Variants in MFHAS1 observed in about 807,000 individuals in gnomAD.
The protein encoded by MFHAS1 is multifunctional ROCO family signaling regulator 1, also known as malignant fibrous histiocytoma-amplified sequence 1.
Under a neutral mutation model 70.4 loss-of-function variants are expected in MFHAS1, and 50 were observed. The ratio of observed to expected loss-of-function variants is 0.71; its 90% CI spans 0.57 to 0.90. The LOEUF is 0.90. Ranked by LOEUF, MFHAS1 falls within the 40% of genes least tolerant of loss-of-function variation. MFHAS1 has a pLI of 0.00. For synonymous variants in MFHAS1, 952 were observed against 620.0 expected, an observed-to-expected ratio of 1.54 and a Z score of -7.96; for missense variants, 1,795 against 1,347.6, an observed-to-expected ratio of 1.33 and a Z score of -5.20.
rs777057964 is a variant in MFHAS1, at chr8:8,891,405, G to T, written c.1654C>A (p.Leu552Met). 1 of 1,612,612 alleles carries T rather than the reference G, an allele frequency of 6.2e-7. No individual in the cohort carries two copies. Among genetic ancestry groups the T allele is most frequent in the East Asian group, 2.2e-5 (1 of 44,880 alleles). Residue 552 changes from leucine to methionine, a missense_variant, in exon 1 of 3, where the codon CTG (leucine) becomes ATG (methionine). Transcript: ENST00000276282. This position sits in a 1 kb window ranked among gnomAD's most constrained non-coding sequence, Gnocchi z 5.4. ...CGERELEEKCLDIHRQIALQE... is the reference protein window; with the variant it reads ...CGERELEEKCMDIHRQIALQE... ...AGGGCGATCTGGCGGTGAATGTCCA[G>T]ACATTTCTCCTCCAGCTCACGCTCT... is the stretch of plus-strand genomic sequence containing the variant.
intron 1 of MFHAS1, among the ~76,000 whole-genome samples, chr8:8,852,405 C>T (rs1808280405): frequency 6.6e-6 from 1 of 151,872 alleles, no homozygotes; most frequent in African/African-American, 2.4e-5. Context: ...ACCTGGGAGG[C>T]GGAGGCTGCA....
At position 8,892,508 on chromosome 8, in the gene MFHAS1, C is replaced by G; in HGVS notation, c.551G>C (p.Arg184Pro). The G allele has an allele frequency of 1.2e-6, 2 of 1,602,582 alleles. No homozygotes were observed. Among genetic ancestry groups the G allele is most frequent in the Non-Finnish European group, 1.7e-6 (2 of 1,174,630 alleles). ...PDSLSCLSRL[R>P]TLDVDHNQLT... ...CTGGTTGTGATCCACGTCCAGGGTG[C>G]GCAGGCGGGAGAGGCAGGAGAGGGA... The change falls in exon 1 of 3, where the codon CGC (arginine) becomes CCC (proline). Residue 184 changes from arginine to proline, a missense_variant. Coordinates refer to ENST00000276282, the MANE Select transcript of MFHAS1 (RefSeq NM_004225.3). The surrounding 1 kb of genome is among the most constrained non-coding windows in gnomAD (Gnocchi z 4.7).
intron 1 of MFHAS1, among the ~76,000 whole-genome samples, chr8:8,809,599 A>C (rs1193958659): frequency 1.3e-5 from 2 of 152,186 alleles, no homozygotes; most frequent in Non-Finnish European, 2.9e-5. Context: ...GGGTTTATAT[A>C]AATACAAATC....
chr8:8,870,461 G>T (rs561361235), intron 1 of MFHAS1, among the ~76,000 whole-genome samples: 8 of 152,188 alleles, frequency 5.3e-5, no homozygotes, highest in African/African-American at 1.9e-4. Flanking sequence ...GCAAGACTCT[G>T]TCTCCCAGGA....
At chr8:8,787,855 T>C (rs1430749281) in intron 2 of MFHAS1, among the ~76,000 whole-genome samples, 2 of 152,246 alleles carry the variant, frequency 1.3e-5, no homozygotes, top group Admixed American at 1.3e-4. Context: ...CAAGGACACC[T>C]AGACGGAAAA....
intron 1 of MFHAS1, among the ~76,000 whole-genome samples, chr8:8,815,947 T>C (rs956025284): frequency 2.0e-5 from 3 of 152,188 alleles, no homozygotes; most frequent in African/African-American, 7.2e-5. Flanking sequence ...TTGTGGCATA[T>C]TCGTACAATA....
intron 1 of MFHAS1, among the ~76,000 whole-genome samples, chr8:8,828,249 C>G (rs1450420889): frequency 1.3e-5 from 2 of 152,202 alleles, no homozygotes; most frequent in Non-Finnish European, 2.9e-5. Flanking sequence ...AAAAACATCT[C>G]AAAAGCATGG....
At chr8:8,888,810 A>T (rs1809872581) in intron 1 of MFHAS1, among the ~76,000 whole-genome samples, 1 of 152,194 alleles carries the variant, frequency 6.6e-6, no homozygotes, top group African/African-American at 2.4e-5. Flanking sequence ...AACCCACAGA[A>T]TGCCCAACAC....
chr8:8,829,329 C>T (rs1807282227), intron 1 of MFHAS1, among the ~76,000 whole-genome samples: 1 of 152,210 alleles, frequency 6.6e-6, no homozygotes, highest in Admixed American at 6.5e-5. Flanking sequence ...TCATCTTCTT[C>T]ACTGCCTTTC....
chr8:8,813,238 A>C (rs1409989637), intron 1 of MFHAS1, among the ~76,000 whole-genome samples: 1 of 152,240 alleles, frequency 6.6e-6, no homozygotes. Context: ...GCCAGTCATA[A>C]AATGCTAGCA....
intron 1 of MFHAS1, among the ~76,000 whole-genome samples, chr8:8,863,169 T>G (rs959707780): frequency 7.2e-5 from 11 of 152,264 alleles, no homozygotes; most frequent in African/African-American, 2.7e-4. Flanking sequence ...GGGTCTATTC[T>G]GTTCCATCAA....
At chr8:8,803,101 T>C (rs900254215) in intron 1 of MFHAS1, among the ~76,000 whole-genome samples, 1 of 152,206 alleles carries the variant, frequency 6.6e-6, no homozygotes, top group African/African-American at 2.4e-5. Context: ...TGTAGGGATG[T>C]TGCATTCTTC....
At chr8:8,884,130 T>A (rs935944585) in intron 1 of MFHAS1, among the ~76,000 whole-genome samples, 1 of 151,246 alleles carries the variant, frequency 6.6e-6, no homozygotes, top group Non-Finnish European at 1.5e-5. Flanking sequence ...AATTCTAAAC[T>A]ACTTGTGCAG....
At chr8:8,842,854 C>T (rs941362821) in intron 1 of MFHAS1, among the ~76,000 whole-genome samples, 2 of 152,250 alleles carry the variant, frequency 1.3e-5, no homozygotes, top group African/African-American at 4.8e-5. Context: ...GACGGATGCT[C>T]ATAGTGCTCC....
intron 1 of MFHAS1, among the ~76,000 whole-genome samples, chr8:8,817,457 C>T (rs1250222120): frequency 1.3e-5 from 2 of 152,256 alleles, no homozygotes; most frequent in East Asian, 1.9e-4. Flanking sequence ...TTCCTCCTCA[C>T]AGTGCTCTCT....
At position 8,814,529 on chromosome 8, in the gene MFHAS1, A is replaced by C. The variant is rs1455466475; in HGVS notation, c.2999-17038T>G. Among the ~76,000 whole-genome samples the C allele has an allele frequency of 2.0e-5, 3 of 152,328 alleles. No individual in the cohort carries two copies. In the East Asian group the frequency reaches 5.8e-4, roughly 29 times the overall value. ...AGCAAGGAATGACTGCAATTTCTTT[A>C]TTTAAATGGTAAGCCTGTCATGAAA... On this transcript the variant is annotated intron_variant, in intron 1 of 2. Coordinates refer to ENST00000276282, the MANE Select transcript of MFHAS1 (RefSeq NM_004225.3).
chr8:8,841,288 A>T (rs1346120696), intron 1 of MFHAS1, among the ~76,000 whole-genome samples: 1 of 152,126 alleles, frequency 6.6e-6, no homozygotes, highest in East Asian at 1.9e-4. Context: ...CAGCCTGGCC[A>T]ACATAGTGAA....
intron 1 of MFHAS1, among the ~76,000 whole-genome samples, chr8:8,876,278 C>T (rs918550719): frequency 6.6e-6 from 1 of 152,142 alleles, no homozygotes; most frequent in Admixed American, 6.5e-5. Context: ...TACACAAAAT[C>T]CCAACTGTTT....
At chr8:8,811,843 G>A (rs898855717) in intron 1 of MFHAS1, among the ~76,000 whole-genome samples, 2 of 152,194 alleles carry the variant, frequency 1.3e-5, no homozygotes, top group Admixed American at 6.5e-5. Context: ...TTCTGAATCC[G>A]ACACTGGTGG....
Sources: gnomAD v4.1 joint callset for allele counts (sites outside exome capture counted in the v4.1 genomes callset) on GRCh38, gnomAD v4.1.1 for gene constraint, Gnocchi (gnomAD v3.1) non-coding constraint, MANE v1.5 for transcripts, NCBI Gene and HGNC (gene_info 2026-07-23, HGNC 2026-07-21) for gene names.